The following TOX variants were observed in gnomAD, a reference collection of about 807,000 sequenced individuals.
The protein encoded by TOX is thymocyte selection associated high mobility group box.
A neutral mutation model predicts 53.7 loss-of-function variants in TOX; 11 were observed. That is an observed-to-expected ratio of 0.20 (90% confidence interval 0.13 to 0.34). The LOEUF is 0.34. Ranked by LOEUF, TOX falls within the 10% of genes least tolerant of loss-of-function variation. TOX has a pLI of 1.00. For missense variants in TOX, 570 were observed against 664.6 expected, an observed-to-expected ratio of 0.86 and a Z score of 1.56; for synonymous variants, 225 against 245.3, an observed-to-expected ratio of 0.92 and a Z score of 0.77.
At chr8:58,986,902 CT>C (rs1284705675) in intron 1 of TOX, among the ~76,000 whole-genome samples, 1 of 152,206 alleles carries the variant, frequency 6.6e-6, no homozygotes, top group Non-Finnish European at 1.5e-5. Flanking sequence ...AGCCTTTGGG[CT>C]TCTGTCCTGT....
intron 3 of TOX, among the ~76,000 whole-genome samples, chr8:58,869,098 G>C (rs150021899): frequency 6.6e-6 from 1 of 151,842 alleles, no homozygotes; most frequent in East Asian, 1.9e-4. Flanking sequence ...ATGGTGGTGC[G>C]TGCCTGTAGT....
At chr8:58,980,166 T>G (rs961852508) in intron 1 of TOX, among the ~76,000 whole-genome samples, 1 of 152,192 alleles carries the variant, frequency 6.6e-6, no homozygotes, top group African/African-American at 2.4e-5. Context: ...ATTAAATCAA[T>G]AGCATTAGCT....
At chr8:59,098,502 G>C (rs1804751712) in intron 1 of TOX, among the ~76,000 whole-genome samples, 1 of 151,096 alleles carries the variant, frequency 6.6e-6, no homozygotes, top group East Asian at 1.9e-4. Flanking sequence ...TATTATATGT[G>C]TGAAAGATGG....
At chr8:59,062,596 G>A (rs1433132348) in intron 1 of TOX, among the ~76,000 whole-genome samples, 2 of 152,186 alleles carry the variant, frequency 1.3e-5, no homozygotes. Flanking sequence ...GTTCTAAGCA[G>A]ACAGCTTAGG....
At chr8:59,029,334 C>T (rs1418133519) in intron 1 of TOX, among the ~76,000 whole-genome samples, 1 of 149,282 alleles carries the variant, frequency 6.7e-6, no homozygotes, top group Non-Finnish European at 1.5e-5. Context: ...TGACACTCTT[C>T]CTTTGAACAC....
intron 4 of TOX, among the ~76,000 whole-genome samples, chr8:58,845,567 G>A (rs1257568955): frequency 6.6e-6 from 1 of 152,130 alleles, no homozygotes; most frequent in Admixed American, 6.6e-5. Context: ...CTTTAATAAC[G>A]ATACACTCTA....
At chr8:59,005,185 C>A (rs372570065) in intron 1 of TOX, among the ~76,000 whole-genome samples, 1 of 152,002 alleles carries the variant, frequency 6.6e-6, no homozygotes. Context: ...ACTACAGGTG[C>A]CCGCCACCAA....
At chr8:58,842,233 T>C (rs1046796231) in intron 4 of TOX, among the ~76,000 whole-genome samples, 1 of 151,838 alleles carries the variant, frequency 6.6e-6, no homozygotes, top group African/African-American at 2.4e-5. Context: ...CAGACTGGGG[T>C]GAGTCAGCAG....
intron 1 of TOX, among the ~76,000 whole-genome samples, chr8:59,081,239 G>T (rs1586007869): frequency 6.6e-6 from 1 of 151,906 alleles, no homozygotes; most frequent in South Asian, 2.1e-4. Context: ...GTTGGCCAGG[G>T]TGGTCTCAAA....
chr8:58,820,855 C>T (rs1253299414), intron 6 of TOX, among the ~76,000 whole-genome samples: 1 of 152,166 alleles, frequency 6.6e-6, no homozygotes, highest in Non-Finnish European at 1.5e-5. Flanking sequence ...AATATAAATT[C>T]TGGTCTATGT....
intron 3 of TOX, among the ~76,000 whole-genome samples, chr8:58,935,339 C>T (rs1192625396): frequency 1.3e-5 from 2 of 152,056 alleles, no homozygotes; most frequent in African/African-American, 2.4e-5. Flanking sequence ...ACTAAAATGT[C>T]ATCATGTGAA....
chr8:58,913,057 A>G (rs950697459), intron 3 of TOX, among the ~76,000 whole-genome samples: 7 of 152,188 alleles, frequency 4.6e-5, no homozygotes, highest in Non-Finnish European at 1.0e-4. Flanking sequence ...CCCCAATCGA[A>G]TGTTTATTCT....
chr8:59,007,099 C>T (rs1022824792), intron 1 of TOX, among the ~76,000 whole-genome samples: 1 of 152,176 alleles, frequency 6.6e-6, no homozygotes, highest in South Asian at 2.1e-4. Flanking sequence ...CTGTGCCTAA[C>T]AATAGTGTAT....
At chr8:58,843,898 G>A (rs943492521) in intron 4 of TOX, among the ~76,000 whole-genome samples, 5 of 152,170 alleles carry the variant, frequency 3.3e-5, no homozygotes, top group African/African-American at 1.2e-4. Context: ...AAATGCTGCT[G>A]TAATTTGGAT....
chr8:58,901,903 G>C (rs13261062), intron 3 of TOX, among the ~76,000 whole-genome samples: 8,825 of 152,208 alleles, frequency 0.058, 320 homozygotes, highest in East Asian at 0.2. Context: ...AGTGACATTC[G>C]TGTGTCCAAG....
chr8:59,019,669 A>G (rs1343902137), intron 1 of TOX, among the ~76,000 whole-genome samples: 1 of 152,234 alleles, frequency 6.6e-6, no homozygotes, highest in African/African-American at 2.4e-5. Context: ...TTTCATATAG[A>G]TACAAATCAT....
At chr8:58,953,114 T>G (rs1192306343) in intron 2 of TOX, among the ~76,000 whole-genome samples, 1 of 151,972 alleles carries the variant, frequency 6.6e-6, no homozygotes, top group Non-Finnish European at 1.5e-5. Context: ...AATACCCAAC[T>G]AAAATAATAA....
intron 4 of TOX, among the ~76,000 whole-genome samples, chr8:58,850,801 T>C (rs1389207412): frequency 6.6e-6 from 1 of 152,218 alleles, no homozygotes; most frequent in Non-Finnish European, 1.5e-5. Context: ...TTAGCGAAGC[T>C]ACTAGAAAGT....
At chr8:58,986,280 A>T (rs1357374481) in intron 1 of TOX, among the ~76,000 whole-genome samples, 1 of 152,184 alleles carries the variant, frequency 6.6e-6, no homozygotes, top group Non-Finnish European at 1.5e-5. Context: ...GTCTCATGGT[A>T]GCTACTGAAA....
Sources: allele counts gnomAD v4.1 joint callset (sites outside exome capture counted in the v4.1 genomes callset), GRCh38; gene constraint gnomAD v4.1.1; transcripts MANE v1.5; gene names NCBI Gene and HGNC (gene_info 2026-07-23, HGNC 2026-07-21).